Variants in MYLIP observed in about 807,000 individuals in gnomAD.
MYLIP encodes the protein myosin regulatory light chain interacting protein.
MYLIP carries 26 observed loss-of-function variants against 45.8 expected under a neutral mutation model. That is an observed-to-expected ratio of 0.57 (90% CI 0.42 to 0.79). MYLIP has a LOEUF of 0.79. Among genes scored for constraint, MYLIP ranks in the 30% least tolerant of loss-of-function variants. The pLI is 0.00. For missense variants in MYLIP, 494 were observed against 555.6 expected (o/e 0.89, Z 1.11); for synonymous variants, 213 against 218.1 (o/e 0.98, Z 0.21).
At chr6:16,141,855 A>C (rs1759681052) in intron 3 of MYLIP, 45 bp downstream of exon 3, 1 of 1,484,664 alleles carries the variant, frequency 6.7e-7, no homozygotes, top group Non-Finnish European at 9.1e-7. Context: ...GAATAGGCTT[A>C]AACAGGATGA....
chr6:16,154,634 C>T, the MYLIP span, among the ~76,000 whole-genome samples: 30 of 152,284 alleles, frequency 2.0e-4, no homozygotes, highest in South Asian at 5.8e-3. Flanking sequence ...ACAGACCATC[C>T]GAAGGGACAA....
chr6:16,130,198 T>G (rs1759429946), intron 1 of MYLIP, among the ~76,000 whole-genome samples: 1 of 152,170 alleles, frequency 6.6e-6, no homozygotes, highest in Admixed American at 6.5e-5. Flanking sequence ...AGATAATAAG[T>G]CGCCAAAAAT....
At chr6:16,130,328 A>T (rs2076017) in intron 1 of MYLIP, among the ~76,000 whole-genome samples, 1 of 151,860 alleles carries the variant, frequency 6.6e-6, no homozygotes, top group South Asian at 2.1e-4. Context: ...TTTTTTCTCT[A>T]TTGCAATTGG....
At chr6:16,143,897 C>CAA in intron 5 of MYLIP, 34 bp downstream of exon 5, 1 of 1,592,462 alleles carries the variant, frequency 6.3e-7, no homozygotes, top group South Asian at 1.1e-5. Context: ...ACCTCAGCAC[C>CAA]ACAGCTCTCA....
chr6:16,132,435 ATT>A (rs1418314280), intron 2 of MYLIP, among the ~76,000 whole-genome samples: 2 of 152,136 alleles, frequency 1.3e-5, no homozygotes, highest in African/African-American at 4.8e-5. Context: ...GACTCTTGAG[ATT>A]CATAATAGTA....
chr6:16,138,734 GAA>G (rs1010008458), intron 2 of MYLIP, among the ~76,000 whole-genome samples: 4 of 152,326 alleles, frequency 2.6e-5, no homozygotes, highest in African/African-American at 9.6e-5. Flanking sequence ...GGCTTGAAAT[GAA>G]AAGGTTGCTT....
chr6:16,145,125 G>T lies in MYLIP; in HGVS notation c.1056G>T (p.Lys352Asn). 5.0e-6 allele frequency: 8 copies of T among 1,614,216 alleles called. No homozygotes were observed. Among genetic ancestry groups the T allele is most frequent in the Non-Finnish European group, 6.8e-6 (8 of 1,180,042 alleles). ...NNQSPSHSPLKSSESSMNCSS... is the reference protein window; with the variant it reads ...NNQSPSHSPLNSSESSMNCSS... ...AGAGCCCTTCACACTCGCCTCTGAA[G>T]TCCTCAGAAAGCAGCATGAACTGCA... Residue 352 changes from lysine (K) to asparagine (N), a missense_variant, in exon 6 of 7, where the codon AAG (lysine) becomes AAT (asparagine). Transcript: ENST00000356840.
At chr6:16,161,784 C>T in the MYLIP span, among the ~76,000 whole-genome samples, 1 of 151,996 alleles carries the variant, frequency 6.6e-6, no homozygotes, top group Non-Finnish European at 1.5e-5. Flanking sequence ...ACAATTTATA[C>T]CACATTTGTA....
Position 16,147,129 on chromosome 6 carries a change from T to G in MYLIP, c.*378T>G, listed in dbSNP as rs959834599. 2 of 160,408 alleles carry G rather than the reference T, an allele frequency of 1.2e-5. No homozygotes were observed. The highest frequency in any genetic ancestry group is 6.1e-5 in the Admixed American group (1 of 16,334). 9.9% of individuals were successfully genotyped at this position (160,408 alleles called of 1,614,324 possible). Reference sequence around the variant, plus strand: ...TCCTTAATGTATCCTGAGGTAAGTTTCCTACTGGCAGCAGATTTTGTAAGA... The same window carrying G: ...TCCTTAATGTATCCTGAGGTAAGTTGCCTACTGGCAGCAGATTTTGTAAGA... On this transcript the variant is annotated 3_prime_UTR_variant, in exon 7 of 7. Transcript: ENST00000356840.
the MYLIP span, among the ~76,000 whole-genome samples, chr6:16,155,743 C>T: frequency 6.6e-6 from 1 of 152,194 alleles, no homozygotes; most frequent in Non-Finnish European, 1.5e-5. Context: ...CAGGCACCAG[C>T]AGGAGCAAAA....
rs1339150951 is a variant in MYLIP, at chr6:16,147,418, T to TCCCTAC, written c.*671_*676dup. ...TCCCTATTCCTTTACGCTCCCCCTA[T>TCCCTAC]CCCTACCCCACAAGCCTTTCGATTA... On this transcript the variant is annotated 3_prime_UTR_variant, in exon 7 of 7. Coordinates refer to ENST00000356840, the MANE Select transcript of MYLIP (RefSeq NM_013262.4). The TCCCTAC allele has an allele frequency of 6.6e-6, 1 of 152,626 alleles. No individual in the cohort carries two copies. Among genetic ancestry groups the TCCCTAC allele is most frequent in the Non-Finnish European group, 1.5e-5 (1 of 68,094 alleles). The allele number at this position is 152,626 out of a possible 1,614,324, so 9.5% of individuals were successfully genotyped here.
At chr6:16,150,418 G>A (rs936112142), downstream of MYLIP, among the ~76,000 whole-genome samples, 8 of 152,196 alleles carry the variant, frequency 5.3e-5, no homozygotes, top group East Asian at 7.7e-4. Context: ...ACAAATGTGA[G>A]GTGAGGATGC....
intron 5 of MYLIP, among the ~76,000 whole-genome samples, chr6:16,144,451 T>C (rs1285707539): frequency 1.3e-5 from 2 of 152,232 alleles, no homozygotes; most frequent in African/African-American, 2.4e-5. Context: ...AAGTTGTGAT[T>C]GGACTCACGT....
At chr6:16,155,805 C>T in the MYLIP span, among the ~76,000 whole-genome samples, 1 of 152,140 alleles carries the variant, frequency 6.6e-6, no homozygotes, top group South Asian at 2.1e-4. Flanking sequence ...GTGATGCTGT[C>T]CATGGACAGC....
At chr6:16,151,388 T>C (rs1366001146), downstream of MYLIP, among the ~76,000 whole-genome samples, 4 of 150,430 alleles carry the variant, frequency 2.7e-5, no homozygotes, top group Non-Finnish European at 5.9e-5. Flanking sequence ...AAAGAAAAAG[T>C]GCATGCACAC....
chr6:16,153,104 T>C (rs1474844102), downstream of MYLIP, among the ~76,000 whole-genome samples: 1 of 152,226 alleles, frequency 6.6e-6, no homozygotes, highest in African/African-American at 2.4e-5. Flanking sequence ...TCTTTTCTCT[T>C]GTCCATAGAT....
At chr6:16,135,793 CTATA>C (rs1759544324) in intron 2 of MYLIP, among the ~76,000 whole-genome samples, 1 of 125,780 alleles carries the variant, frequency 8.0e-6, no homozygotes, top group Non-Finnish European at 1.7e-5. Flanking sequence ...GCTATATATT[CTATA>C]TAGTGTATAT....
At chr6:16,160,631 G>A in the MYLIP span, among the ~76,000 whole-genome samples, 1 of 151,902 alleles carries the variant, frequency 6.6e-6, no homozygotes, top group Non-Finnish European at 1.5e-5. Flanking sequence ...GTGAAACCCC[G>A]TCTCTACAAA....
chr6:16,131,031 A>G (rs1368117400), intron 2 of MYLIP, among the ~76,000 whole-genome samples: 43 of 80,278 alleles, frequency 5.4e-4, no homozygotes, highest in African/African-American at 1.8e-3. Flanking sequence ...TACCCCAGGA[A>G]AAAAAAAAAA....
Sources: gnomAD v4.1 joint callset for allele counts (sites outside exome capture counted in the v4.1 genomes callset) on GRCh38, gnomAD v4.1.1 for gene constraint, MANE v1.5 for transcripts, NCBI Gene and HGNC (gene_info 2026-07-23, HGNC 2026-07-21) for gene names.